The following MPP4 variants were observed in gnomAD, a reference collection of about 807,000 sequenced individuals.
MPP4 encodes the protein MAGUK p55 scaffold protein 4.
In MPP4, 91 loss-of-function variants were observed where a neutral mutation model predicts 98.3. That is an observed-to-expected ratio of 0.93 (90% confidence interval 0.78 to 1.10). The LOEUF (loss-of-function observed/expected upper bound fraction) is 1.10. Among genes scored for constraint, MPP4 ranks in the 50% least tolerant of loss-of-function variants. The pLI is 0.00. For synonymous variants in MPP4, 261 were observed against 271.8 expected, an observed-to-expected ratio of 0.96 and a Z score of 0.39; for missense variants, 744 against 792.9, an observed-to-expected ratio of 0.94 and a Z score of 0.74.
Position 201,647,810 on chromosome 2 carries a change from G to C in MPP4, c.1600C>G (p.Arg534Gly). 6.2e-7 allele frequency: 1 copy of C among 1,612,100 alleles called. No homozygotes were observed. The highest frequency in any genetic ancestry group is 1.1e-5 in the South Asian group (1 of 90,864). Residue 534 changes from arginine to glycine, a missense_variant, in exon 21 of 22, where the codon CGA becomes GGA. Transcript: ENST00000409474. ...ACATAGGGCTTCAGTTCATGGGTTC[G>C]AACCCCTTGAATATCCTACACAGAA... is the stretch of plus-strand genomic sequence containing the variant. ...DLEPQDIQGVRTHELKPYVIF... is the reference protein window; with the variant it reads ...DLEPQDIQGVGTHELKPYVIF...
intron 3 of MPP4, among the ~76,000 whole-genome samples, 168 bp from the exon 4 acceptor site, chr2:201,690,447 G>A (rs761948988): frequency 3.6e-4 from 55 of 152,336 alleles, no homozygotes; most frequent in Non-Finnish European, 6.9e-4. Context: ...AAAGAGAAAT[G>A]AACTTGAGTT....
rs1448541158 is a variant in MPP4, at chr2:201,681,634, CAG to C, written c.661-69_661-68del. ...AGCAGGGTTACTGGGGCTCGGTGGA[CAG>C]AGTTACAGTGCAATGTATCCAGGTC... On this transcript the variant is annotated intron_variant, in intron 8 of 21. Transcript: ENST00000409474. The C allele has an allele frequency of 2.2e-5, 26 of 1,182,210 alleles. No individual in the cohort carries two copies. In the African/African-American group the frequency reaches 3.5e-4, roughly 16 times the overall value. 73.2% of individuals were successfully genotyped at this position (1,182,210 alleles called of 1,614,324 possible). A position where few individuals can be genotyped will look rare whatever the true frequency, so the allele number is the denominator to read the frequency against.
chr2:201,692,823 C>A, intron 3 of MPP4, 85 bp downstream of exon 3: 1 of 1,534,358 alleles, frequency 6.5e-7, no homozygotes, highest in Non-Finnish European at 8.8e-7. Context: ...CACTATCCAG[C>A]CTGAATGGAC....
At chr2:201,654,762 TG>T (rs1687808947) in intron 18 of MPP4, 74 bp downstream of exon 18, 4 of 964,226 alleles carry the variant, frequency 4.1e-6, no homozygotes, top group Non-Finnish European at 6.2e-6. Context: ...AAAGATGGAA[TG>T]ACATAGTTAA....
intron 18 of MPP4, chr2:201,650,516 T>G: frequency 1.0e-6 from 1 of 985,412 alleles, no homozygotes; most frequent in South Asian, 4.7e-5. Flanking sequence ...ACCAATAATA[T>G]CTTACATTTG....
chr2:201,675,485 T>C (rs1688484100), intron 10 of MPP4, among the ~76,000 whole-genome samples: 1 of 152,242 alleles, frequency 6.6e-6, no homozygotes, highest in South Asian at 2.1e-4. Flanking sequence ...CCTCACGGGA[T>C]CTTTTCAGAA....
intron 9 of MPP4, among the ~76,000 whole-genome samples, 161 bp from the exon 10 acceptor site, chr2:201,681,195 C>G (rs1688656466): frequency 6.6e-6 from 1 of 152,194 alleles, no homozygotes; most frequent in African/African-American, 2.4e-5. Context: ...GAACTCGCCT[C>G]CTGAGCCTAA....
intron 21 of MPP4, 63 bp from the exon 22 acceptor site, chr2:201,645,467 G>A: frequency 2.2e-6 from 3 of 1,360,838 alleles, no homozygotes. Flanking sequence ...AAAAAATACA[G>A]TTTGTTATGC....
rs77335553 is a variant in MPP4, at chr2:201,661,860, T to A, written c.1073-1514A>T. ...ACAGACCCGCAAACACTCCCCGGCC[T>A]CAACCTCAGCCTTCACATGTGGAGT... On this transcript the variant is annotated intron_variant, in intron 14 of 21. Transcript: ENST00000409474. Among the ~76,000 whole-genome samples the A allele has an allele frequency of 5.3e-3, 804 of 152,218 alleles. 4 individuals are homozygous for A. The highest frequency in any genetic ancestry group is 0.019 in the African/African-American group (771 of 41,534).
rs969187212 is a variant in MPP4 at position 201,671,129 on chromosome 2, C to T, written c.995-1379G>A. Among the ~76,000 whole-genome samples, 4 of 151,896 alleles carry T rather than the reference C, an allele frequency of 2.6e-5. No homozygotes were observed. In the East Asian group the frequency reaches 5.8e-4, roughly 22 times the overall value. On this transcript the variant is annotated intron_variant, in intron 11 of 21. Transcript: ENST00000409474. Reference sequence around the variant, plus strand: ...CGTGGGTTTCAAGCACAAAACTGGGCGGCCGTTTGGGCAGACACTGAGCTA... The same window carrying T: ...CGTGGGTTTCAAGCACAAAACTGGGTGGCCGTTTGGGCAGACACTGAGCTA...
chr2:201,647,438 G>A (rs1319026716), intron 21 of MPP4, among the ~76,000 whole-genome samples: 1 of 151,966 alleles, frequency 6.6e-6, no homozygotes, highest in Non-Finnish European at 1.5e-5. Context: ...CATCCAAAAG[G>A]ATAAATCGTA....
chr2:201,658,576 T>C, intron 15 of MPP4, 58 bp from the exon 16 acceptor site: 1 of 1,498,054 alleles, frequency 6.7e-7, no homozygotes, highest in Non-Finnish European at 9.1e-7. Context: ...TTATTCAGAA[T>C]AAATTCATGA....
intron 11 of MPP4, among the ~76,000 whole-genome samples, chr2:201,673,378 G>A (rs995505099): frequency 4.7e-4 from 71 of 152,170 alleles, no homozygotes; most frequent in African/African-American, 1.7e-3. Flanking sequence ...ATGAGAACAC[G>A]TCGACACAGG....
At chr2:201,697,188 G>A (rs1330873973) in intron 1 of MPP4, among the ~76,000 whole-genome samples, 1 of 152,148 alleles carries the variant, frequency 6.6e-6, no homozygotes, top group East Asian at 1.9e-4. Flanking sequence ...CAACCATGCT[G>A]GCATCCCAAT....
At chr2:201,651,384 T>C in intron 18 of MPP4, 1 of 985,410 alleles carries the variant, frequency 1.0e-6, no homozygotes, top group Non-Finnish European at 1.2e-6. Flanking sequence ...AACAAAATTC[T>C]AGTAAAACCT....
At chr2:201,687,417 T>G in intron 4 of MPP4, 46 bp from the exon 5 acceptor site, 1 of 1,430,004 alleles carries the variant, frequency 7.0e-7, no homozygotes, top group Non-Finnish European at 9.6e-7. Flanking sequence ...AAAAAATCTT[T>G]ATCACCTACT....
chr2:201,695,241 C>T (rs1208070), intron 1 of MPP4, among the ~76,000 whole-genome samples: 130,147 of 151,890 alleles, frequency 0.86, 55,783 homozygotes, highest in Admixed American at 0.87. Context: ...AGTCATCACG[C>T]CTACATTTCG....
intron 1 of MPP4, among the ~76,000 whole-genome samples, chr2:201,694,647 A>G (rs558792745): frequency 4.9e-5 from 5 of 101,104 alleles, no homozygotes; most frequent in South Asian, 6.4e-4. Context: ...ACAGGGTCTC[A>G]CTCTGTTGCT....
chr2:201,675,396 G>A, intron 10 of MPP4, 125 bp from the exon 11 acceptor site: 2 of 897,616 alleles, frequency 2.2e-6, no homozygotes. Flanking sequence ...CTTCACTCAA[G>A]TGAAAAGGGT....
Sources: allele counts gnomAD v4.1 joint callset (sites outside exome capture counted in the v4.1 genomes callset), GRCh38; gene constraint gnomAD v4.1.1; transcripts MANE v1.5; gene names NCBI Gene and HGNC (gene_info 2026-07-23, HGNC 2026-07-21).